SENP7: variants seen among roughly 807,000 people sequenced by gnomAD.
The protein encoded by SENP7 is SUMO specific peptidase 7.
SENP7 carries 64 observed loss-of-function variants against 141.2 expected under a neutral mutation model. The observed-to-expected ratio is 0.45, with a 90% CI of 0.37 to 0.56. SENP7 has a LOEUF of 0.56. Among genes scored for constraint, SENP7 ranks in the 20% least tolerant of loss-of-function variants. The pLI, the probability that SENP7 is intolerant of heterozygous loss-of-function variation, is 0.00. For missense variants in SENP7, 1,025 were observed against 1,212.2 expected (o/e 0.85, Z 2.29); for synonymous variants, 382 against 426.4 (o/e 0.90, Z 1.28).
chr3:101,446,831 G>A (rs888894270), intron 4 of SENP7, among the ~76,000 whole-genome samples: 1 of 151,994 alleles, frequency 6.6e-6, no homozygotes, highest in Non-Finnish European at 1.5e-5. Context: ...CAAATAAAAA[G>A]TGGTTACAAT....
At chr3:101,406,436 A>AG (rs2061308062) in intron 5 of SENP7, among the ~76,000 whole-genome samples, 1 of 151,242 alleles carries the variant, frequency 6.6e-6, no homozygotes, top group Non-Finnish European at 1.5e-5. Context: ...CCTGTTGTGG[A>AG]GTGGGGGGAG....
At chr3:101,470,027 A>C (rs2063922370) in intron 3 of SENP7, among the ~76,000 whole-genome samples, 1 of 152,128 alleles carries the variant, frequency 6.6e-6, no homozygotes. Flanking sequence ...TTTGAAACCA[A>C]TGAGAACAAA....
intron 1 of SENP7, among the ~76,000 whole-genome samples, chr3:101,511,765 C>T (rs879653479): frequency 5.3e-4 from 81 of 152,348 alleles, no homozygotes; most frequent in African/African-American, 1.9e-3. Flanking sequence ...GTTTGAGATG[C>T]ACTGCCACAG....
At chr3:101,495,470 A>G (rs1022070674) in intron 2 of SENP7, among the ~76,000 whole-genome samples, 1 of 152,222 alleles carries the variant, frequency 6.6e-6, no homozygotes, top group African/African-American at 2.4e-5. Flanking sequence ...CTGCAACACT[A>G]TTCACAATAG....
intron 6 of SENP7, among the ~76,000 whole-genome samples, chr3:101,396,707 T>A (rs913099846): frequency 6.6e-6 from 1 of 152,218 alleles, no homozygotes; most frequent in Non-Finnish European, 1.5e-5. Flanking sequence ...TTAGTATACA[T>A]TGAGCTAAGT....
At chr3:101,465,261 A>C (rs1163879487) in intron 3 of SENP7, among the ~76,000 whole-genome samples, 1 of 152,080 alleles carries the variant, frequency 6.6e-6, no homozygotes, top group Non-Finnish European at 1.5e-5. Context: ...GCTCAGACAC[A>C]TGCCTTCCAA....
At chr3:101,414,053 T>C (rs899523617) in intron 5 of SENP7, among the ~76,000 whole-genome samples, 16 of 152,178 alleles carry the variant, frequency 1.1e-4, no homozygotes, top group African/African-American at 3.9e-4. Flanking sequence ...AAAGACTACG[T>C]AAAGGAAACC....
chr3:101,344,484 G>C (rs1158900627), intron 13 of SENP7, among the ~76,000 whole-genome samples: 1 of 152,086 alleles, frequency 6.6e-6, no homozygotes, highest in Admixed American at 6.6e-5. Context: ...TAACAAATTT[G>C]AAAGTTATAA....
chr3:101,369,723 C>A (rs2060128143), intron 7 of SENP7, among the ~76,000 whole-genome samples: 1 of 152,066 alleles, frequency 6.6e-6, no homozygotes, highest in South Asian at 2.1e-4. Flanking sequence ...CTTGATTATA[C>A]AGGAGTTTTC....
chr3:101,510,812 C>A (rs1210288048), intron 1 of SENP7, among the ~76,000 whole-genome samples: 2 of 131,298 alleles, frequency 1.5e-5, no homozygotes, highest in Admixed American at 2.0e-4. Context: ...CCACTGCGCT[C>A]CAGCCTGGGC....
chr3:101,413,354 T>C (rs1454452309), intron 5 of SENP7, among the ~76,000 whole-genome samples: 1 of 152,188 alleles, frequency 6.6e-6, no homozygotes, highest in Non-Finnish European at 1.5e-5. Context: ...AGTTTCCTTA[T>C]TTGACGCTTG....
chr3:101,331,551 A>C (rs1347630231), intron 19 of SENP7, among the ~76,000 whole-genome samples: 5 of 70,838 alleles, frequency 7.1e-5, no homozygotes, highest in Admixed American at 2.1e-4. Context: ...AACAAGCAAA[A>C]AATGTCAATG....
At chr3:101,405,333 C>T (rs889017531) in intron 5 of SENP7, among the ~76,000 whole-genome samples, 2 of 152,130 alleles carry the variant, frequency 1.3e-5, no homozygotes, top group African/African-American at 2.4e-5. Context: ...AGAAAGATAA[C>T]AATCACTACA....
intron 17 of SENP7, among the ~76,000 whole-genome samples, chr3:101,333,515 C>A (rs562528359): frequency 6.6e-6 from 1 of 152,024 alleles, no homozygotes; most frequent in Non-Finnish European, 1.5e-5. Context: ...CAAGGGAAGA[C>A]CCTATCTCTA....
At chr3:101,397,059 C>T (rs112074171) in intron 6 of SENP7, among the ~76,000 whole-genome samples, 1,915 of 152,166 alleles carry the variant, frequency 0.013, 35 homozygotes, top group African/African-American at 0.043. Flanking sequence ...GTCAGGCTGG[C>T]CTCGAACTCC....
At chr3:101,448,595 G>A (rs1392125157) in intron 4 of SENP7, among the ~76,000 whole-genome samples, 1 of 152,142 alleles carries the variant, frequency 6.6e-6, no homozygotes, top group African/African-American at 2.4e-5. Context: ...GCGGCTGTGT[G>A]AGGTGTCAGT....
chr3:101,420,172 C>G (rs2061745697), intron 4 of SENP7, among the ~76,000 whole-genome samples: 1 of 152,166 alleles, frequency 6.6e-6, no homozygotes, highest in Admixed American at 6.5e-5. Context: ...TCGAGACCAT[C>G]CTGGCTAACA....
chr3:101,443,962 A>G (rs1420778226), intron 4 of SENP7, among the ~76,000 whole-genome samples: 25 of 150,440 alleles, frequency 1.7e-4, no homozygotes, highest in Middle Eastern at 3.2e-3. Context: ...GCAACCTACA[A>G]AATGGGAGAA....
At chr3:101,359,065 G>C (rs965463939) in intron 11 of SENP7, 2 of 152,002 alleles carry the variant, frequency 1.3e-5, no homozygotes, top group Non-Finnish European at 2.9e-5. Context: ...AGTTATACTA[G>C]TGTGAAACCC....
Sources: gnomAD v4.1 joint callset for allele counts (sites outside exome capture counted in the v4.1 genomes callset) on GRCh38, gnomAD v4.1.1 for gene constraint, MANE v1.5 for transcripts, NCBI Gene and HGNC (gene_info 2026-07-23, HGNC 2026-07-21) for gene names.